The following ROBO4 variants were observed in gnomAD, a reference collection of about 807,000 sequenced individuals.
ROBO4 encodes roundabout guidance receptor 4.
ROBO4 carries 80 observed loss-of-function variants against 103.3 expected under a neutral mutation model. That is an observed-to-expected ratio of 0.77 (90% CI 0.65 to 0.93). The LOEUF is 0.93. ROBO4 is among the 40% of genes least tolerant of loss of function. The pLI, the probability that ROBO4 is intolerant of heterozygous loss-of-function variation, is 0.00. For missense variants in ROBO4, 1,333 were observed against 1,305.3 expected (o/e 1.02, Z -0.33); for synonymous variants, 504 against 529.7 (o/e 0.95, Z 0.67).
chr11:124,894,164 C>T, intron 8 of ROBO4, 37 bp downstream of exon 8: 1 of 1,579,064 alleles, frequency 6.3e-7, no homozygotes, highest in Admixed American at 1.7e-5. Context: ...GGGATGCAGG[C>T]TGAAGGGTAG....
In ROBO4 at chr11:124,896,505, A is replaced by T; in HGVS notation, c.558+8T>A. On this transcript the variant is annotated splice_region_variant and intron_variant, in intron 3 of 17. Coordinates refer to ENST00000306534, the MANE Select transcript of ROBO4 (RefSeq NM_019055.6). ...AGGATGAAGTGTGGGGGAGGGGGCC[A>T]CACTTACTGTGTGCCTTCCGGGCTG... 6.2e-7 allele frequency: 1 copy of T among 1,613,154 alleles called. No individual in the cohort carries two copies. The highest frequency in any genetic ancestry group is 1.7e-5 in the Admixed American group (1 of 59,960).
At chr11:124,891,636 T>C (rs1455176116) in intron 11 of ROBO4, 30 bp downstream of exon 11, 1 of 1,614,184 alleles carries the variant, frequency 6.2e-7, no homozygotes, top group Non-Finnish European at 8.5e-7. Context: ...TGCCCCCAGC[T>C]AGGCCCTTGC....
intron 6 of ROBO4, 107 bp downstream of exon 6, chr11:124,895,350 A>G (rs1483181058): frequency 8.2e-7 from 1 of 1,219,648 alleles, no homozygotes; most frequent in Non-Finnish European, 1.2e-6. Context: ...GTCCCAGGGT[A>G]GGACCCATAA....
In ROBO4 at chr11:124,887,058, A is replaced by C. The variant is rs1206615134; in HGVS notation, c.2354T>G (p.Leu785Arg). The C allele has an allele frequency of 1.9e-6, 3 of 1,613,744 alleles. No individual in the cohort carries two copies. In the South Asian group the frequency reaches 3.3e-5, roughly 18 times the overall value. The change falls in exon 15 of 18, where the codon CTG (leucine) becomes CGG (arginine). Residue 785 changes from leucine to arginine, a missense_variant. Coordinates refer to ENST00000306534, the MANE Select transcript of ROBO4 (RefSeq NM_019055.6). Reference sequence around the variant, plus strand: ...CAGCACGCTGTCTTGATCCTCCCCCAGGGATGACAGTGAGGAGCTGGACAG... The same window carrying C: ...CAGCACGCTGTCTTGATCCTCCCCCCGGGATGACAGTGAGGAGCTGGACAG... ...SRLSSSSLSS[L>R]GEDQDSVLTP...
Position 124,895,662 on chromosome 11 carries a change from G to A in ROBO4, c.831C>T (p.Ala277=). ...TCCTGAACAAGGCCGTGTAAGATTGGGCAGGCGCAGCAGGGCCACTGACCT... is the reference window on the plus strand; with the variant it reads ...TCCTGAACAAGGCCGTGTAAGATTGAGCAGGCGCAGCAGGGCCACTGACCT... The part of the protein sequence containing the change: ...SWKVSGPAAP[A]QSYTALFRTQ... Residue 277 remains alanine, a synonymous_variant, in exon 6 of 18, where the codon GCC becomes GCT. Transcript: ENST00000306534. 6.2e-7 allele frequency: 1 copy of A among 1,613,178 alleles called. No homozygotes were observed. The highest frequency in any genetic ancestry group is 8.5e-7 in the Non-Finnish European group (1 of 1,179,320).
At chr11:124,892,471 T>C (rs773434064) in intron 10 of ROBO4, 8 of 194,584 alleles carry the variant, frequency 4.1e-5, no homozygotes, top group Non-Finnish European at 7.5e-5. Context: ...TAGCCTTTGC[T>C]CTGACCCATC....
In ROBO4 at chr11:124,886,663, G is replaced by A. The variant is rs368417482; in HGVS notation, c.2595C>T (p.Thr865=). The change falls in exon 16 of 18, where the codon ACC becomes ACT. Residue 865 remains threonine (T), a synonymous_variant. Coordinates refer to ENST00000306534, the MANE Select transcript of ROBO4 (RefSeq NM_019055.6). ...VLLCPPRPCL[T]PTPSEGSLAN... is the part of the protein sequence containing the mutation. ...CTAAGGAGCCCTCGCTGGGGGTGGG[G>A]GTGAGGCAGGGCCGAGGTGGGCACA... is the stretch of plus-strand genomic sequence containing the variant. 111 of 1,613,820 alleles carry A rather than the reference G, an allele frequency of 6.9e-5. No homozygotes were observed. In the Middle Eastern group the frequency reaches 1.3e-3, roughly 19 times the overall value.
chr11:124,887,241 C>A, intron 14 of ROBO4, 28 bp from the exon 15 acceptor site: 1 of 1,585,772 alleles, frequency 6.3e-7, no homozygotes, highest in South Asian at 1.2e-5. Flanking sequence ...GTGATGGCAC[C>A]GTAGTTACTA....
At chr11:124,889,241 C>G (rs955193432) in intron 12 of ROBO4, among the ~76,000 whole-genome samples, 7 of 152,170 alleles carry the variant, frequency 4.6e-5, no homozygotes, top group Admixed American at 3.3e-4. Context: ...GAGCCAACTT[C>G]AGGGTTGGTG....
intron 12 of ROBO4, among the ~76,000 whole-genome samples, chr11:124,891,023 C>T (rs144193159): frequency 6.6e-5 from 10 of 152,342 alleles, no homozygotes; most frequent in East Asian, 1.9e-4. Context: ...GCTTATTAAA[C>T]GTTTGCTGAG....
chr11:124,896,541 G>A lies in ROBO4; in HGVS notation c.530C>T (p.Pro177Leu). 1 of 1,614,162 alleles carries A rather than the reference G, an allele frequency of 6.2e-7. No individual in the cohort carries two copies. Reference sequence around the variant, plus strand: ...GTGCCTTCCGGGCTGGAGGGCCAGGGGTTTCCCATCTTTCCACCATGAGAC... The same window carrying A: ...GTGCCTTCCGGGCTGGAGGGCCAGGAGTTTCCCATCTTTCCACCATGAGAC... ...PTVSWWKDGK[P>L]LALQPGRHTV... The change falls in exon 3 of 18, where the codon CCC becomes CTC. Residue 177 changes from proline to leucine, a missense_variant. Transcript: ENST00000306534.
chr11:124,887,879 G>A, intron 12 of ROBO4, 39 bp from the exon 13 acceptor site: 3 of 1,516,582 alleles, frequency 2.0e-6, no homozygotes, highest in Non-Finnish European at 2.7e-6. Flanking sequence ...GCCCAGGATG[G>A]ACTTTTCAGA....
rs974820250 is a variant in ROBO4 at position 124,894,130 on chromosome 11, G to A, written c.1318+71C>T. The A allele has an allele frequency of 2.4e-5, 38 of 1,557,078 alleles. No homozygotes were observed. In the African/African-American group the frequency reaches 4.2e-4, roughly 17 times the overall value. Reference sequence around the variant, plus strand: ...AAGGGGGAAGAGCTGGAAGTGTGAGGCGGGAGCAGGGAGAGAGGAAGGCGG... The same window carrying A: ...AAGGGGGAAGAGCTGGAAGTGTGAGACGGGAGCAGGGAGAGAGGAAGGCGG... On this transcript the variant is annotated intron_variant, in intron 8 of 17. Transcript: ENST00000306534.
intron 7 of ROBO4, 108 bp from the exon 8 acceptor site, chr11:124,894,477 A>G (rs1946850503): frequency 8.7e-7 from 1 of 1,154,008 alleles, no homozygotes; most frequent in Non-Finnish European, 1.2e-6. Context: ...CCTGCCATCC[A>G]CTTGGGGAAT....
In ROBO4 at chr11:124,895,582, C is replaced by T. The variant is rs201659190; in HGVS notation, c.911G>A (p.Gly304Asp). ...GCCTCCAAGCTCTGCGCTCTGCCAG[C>T]CGGCCAGCAGCTCCTCTGCCCACGG... ...GAPWAEELLA[G>D]WQSAELGGLH... Residue 304 changes from glycine to aspartate, a missense_variant, in exon 6 of 18, where the codon GGC becomes GAC. Coordinates refer to ENST00000306534, the MANE Select transcript of ROBO4 (RefSeq NM_019055.6). 3.0e-5 allele frequency: 48 copies of T among 1,613,348 alleles called. No homozygotes were observed. The South Asian group carries it at 5.2e-4, about 17-fold the overall frequency.
At chr11:124,890,511 T>C (rs1418083912) in intron 12 of ROBO4, among the ~76,000 whole-genome samples, 1 of 152,208 alleles carries the variant, frequency 6.6e-6, no homozygotes, top group Non-Finnish European at 1.5e-5. Context: ...AGAGGCAGAC[T>C]ATCCTGCCTT....
At position 124,897,023 on chromosome 11, in the gene ROBO4, C is replaced by G; in HGVS notation, c.309G>C (p.Gln103His). The change falls in exon 2 of 18, where the codon CAG (glutamine) becomes CAC (histidine). Residue 103 changes from glutamine (Q) to histidine (H), a missense_variant. Gln to His is a conservative substitution (Grantham distance 24). Coordinates refer to ENST00000306534, the MANE Select transcript of ROBO4 (RefSeq NM_019055.6). ...AGACACCCAGGTCTGTGGACAGGGC[C>G]TGGCCATCGTGGGCATGTCCCCGGG... is the stretch of plus-strand genomic sequence containing the variant. ...PPARGHAHDG[Q>H]ALSTDLGVYT... The G allele has an allele frequency of 6.2e-7, 1 of 1,614,100 alleles. No homozygotes were observed. The highest frequency in any genetic ancestry group is 8.5e-7 in the Non-Finnish European group (1 of 1,180,022).
At chr11:124,888,698 T>C (rs1296290480) in intron 12 of ROBO4, among the ~76,000 whole-genome samples, 10 of 152,102 alleles carry the variant, frequency 6.6e-5, no homozygotes, top group Admixed American at 6.5e-4. Context: ...GGGCTCTGAG[T>C]GAACTTTCAC....
At position 124,893,876 on chromosome 11, in the gene ROBO4, C is replaced by A; in HGVS notation, c.1488G>T (p.Arg496Ser). Residue 496 changes from arginine to serine, a missense_variant, in exon 9 of 18, where the codon AGG becomes AGT. By Grantham distance (110) the Arg-to-Ser change is moderately radical. Coordinates refer to ENST00000306534, the MANE Select transcript of ROBO4 (RefSeq NM_019055.6). ...AVCIHRRRRA[R>S]VHLGPGLYRY... is the part of the protein sequence containing the mutation. Reference sequence around the variant, plus strand: ...GACTCTCACCTGGGCCCAGGTGCACCCTAGCTCGGCGCCGGCGGTGGATAC... The same window carrying A: ...GACTCTCACCTGGGCCCAGGTGCACACTAGCTCGGCGCCGGCGGTGGATAC... The A allele has an allele frequency of 1.2e-6, 2 of 1,613,098 alleles. No individual in the cohort carries two copies. The highest frequency in any genetic ancestry group is 1.3e-5 in the African/African-American group (1 of 75,010).
Sources: allele counts gnomAD v4.1 joint callset (sites outside exome capture counted in the v4.1 genomes callset), GRCh38; gene constraint gnomAD v4.1.1; transcripts MANE v1.5; gene names NCBI Gene and HGNC (gene_info 2026-07-23, HGNC 2026-07-21).